GARIN5A: variants seen among roughly 807,000 people sequenced by gnomAD.
GARIN5A encodes golgi associated RAB2 interactor 5A.
the GARIN5A span, chr19:50,475,281 G>A: frequency 6.5e-7 from 1 of 1,535,224 alleles, no homozygotes; most frequent in Non-Finnish European, 8.8e-7. Flanking sequence ...CAGGTGCCTG[G>A]AGCTGAGGGA....
the GARIN5A span, among the ~76,000 whole-genome samples, chr19:50,471,845 C>T: frequency 1.2e-4 from 18 of 147,636 alleles, no homozygotes; most frequent in African/African-American, 7.7e-5. Flanking sequence ...TATCTGTGTG[C>T]ATACGCATAC....
the GARIN5A span, among the ~76,000 whole-genome samples, chr19:50,469,606 C>T: frequency 6.6e-6 from 1 of 152,140 alleles, no homozygotes; most frequent in East Asian, 1.9e-4. Context: ...ATTGATTGCT[C>T]AGGCCCGCAG....
chr19:50,472,454 G>A, the GARIN5A span, among the ~76,000 whole-genome samples: 1 of 152,180 alleles, frequency 6.6e-6, no homozygotes. Flanking sequence ...CACTTCAGTG[G>A]TATGTTCATT....
chr19:50,474,848 G>A, the GARIN5A span, among the ~76,000 whole-genome samples: 1 of 152,146 alleles, frequency 6.6e-6, no homozygotes, highest in Admixed American at 6.5e-5. Flanking sequence ...AGGCACAGGA[G>A]GGCTCAAGAA....
the GARIN5A span, chr19:50,475,888 C>T: frequency 6.2e-7 from 1 of 1,613,944 alleles, no homozygotes; most frequent in African/African-American, 1.3e-5. Context: ...GAATTCGCCG[C>T]TCTGGAGGTA....
the GARIN5A span, chr19:50,467,546 C>A: frequency 5.3e-6 from 8 of 1,510,304 alleles, no homozygotes; most frequent in East Asian, 2.5e-5. Flanking sequence ...CGCTTCCCCC[C>A]TCTCCTCACC....
the GARIN5A span, chr19:50,467,593 T>C: frequency 1.3e-6 from 2 of 1,548,528 alleles, no homozygotes; most frequent in Non-Finnish European, 1.7e-6. Context: ...CTCATCATCA[T>C]CACCCTCCCC....
At chr19:50,472,176 A>G in the GARIN5A span, among the ~76,000 whole-genome samples, 618 of 142,660 alleles carry the variant, frequency 4.3e-3, 51 homozygotes, top group African/African-American at 0.013. Flanking sequence ...ACGTGTGTAT[A>G]TGTATGTATA....
At chr19:50,467,965 T>A in the GARIN5A span, 1 of 736,868 alleles carries the variant, frequency 1.4e-6, no homozygotes, top group African/African-American at 1.7e-5. Context: ...CTCTTGAACT[T>A]GAGTCCATTC....
chr19:50,473,681 G>C, the GARIN5A span, among the ~76,000 whole-genome samples: 6 of 151,598 alleles, frequency 4.0e-5, no homozygotes, highest in Non-Finnish European at 2.9e-5. Flanking sequence ...TGAACTGTGA[G>C]ATGTGGTCAA....
chr19:50,475,456 C>G, the GARIN5A span: 1 of 1,602,756 alleles, frequency 6.2e-7, no homozygotes, highest in Non-Finnish European at 8.5e-7. Flanking sequence ...ACCGAGTCAC[C>G]TGGGGCCAGA....
the GARIN5A span, among the ~76,000 whole-genome samples, chr19:50,472,088 A>ACATG: frequency 3.4e-4 from 31 of 91,002 alleles, 1 homozygote; most frequent in African/African-American, 1.4e-3. Flanking sequence ...ACATGTGTGT[A>ACATG]TATGTATATG....
the GARIN5A span, among the ~76,000 whole-genome samples, chr19:50,470,283 G>A: frequency 6.6e-6 from 1 of 152,212 alleles, no homozygotes; most frequent in Admixed American, 6.5e-5. Flanking sequence ...GGAGGCCGAG[G>A]CAGGCGGATC....
the GARIN5A span, chr19:50,467,591 C>A: frequency 6.5e-7 from 1 of 1,548,500 alleles, no homozygotes; most frequent in Non-Finnish European, 8.7e-7. Flanking sequence ...ACCTCATCAT[C>A]ATCACCCTCC....
At chr19:50,476,636 G>A in the GARIN5A span, 4 of 1,546,562 alleles carry the variant, frequency 2.6e-6, no homozygotes, top group Admixed American at 1.9e-5. Flanking sequence ...AGCGGCTGCC[G>A]GGCCGGGACT....
At chr19:50,468,421 TC>T in the GARIN5A span, among the ~76,000 whole-genome samples, 1 of 145,012 alleles carries the variant, frequency 6.9e-6, no homozygotes, top group African/African-American at 2.6e-5. Flanking sequence ...ACCATCCGAC[TC>T]ATAACATGTT....
chr19:50,467,790 G>A, the GARIN5A span: 4 of 1,612,896 alleles, frequency 2.5e-6, no homozygotes, highest in East Asian at 2.2e-5. Context: ...ACCGGCTTTT[G>A]TCGTGGACAA....
the GARIN5A span, chr19:50,467,683 C>T: frequency 8.2e-6 from 13 of 1,588,858 alleles, no homozygotes; most frequent in South Asian, 3.4e-5. Flanking sequence ...GTAGAGCAGC[C>T]GCACCCACTG....
chr19:50,472,240 G>GTT, the GARIN5A span, among the ~76,000 whole-genome samples: 1 of 75,240 alleles, frequency 1.3e-5, no homozygotes, highest in Non-Finnish European at 2.4e-5. Context: ...ATGTATGTGT[G>GTT]TATTATATAT....
Sources: gnomAD v4.1 joint callset for allele counts (sites outside exome capture counted in the v4.1 genomes callset) on GRCh38, gnomAD v4.1.1 for gene constraint, MANE v1.5 for transcripts, NCBI Gene and HGNC (gene_info 2026-07-23, HGNC 2026-07-21) for gene names.